SCP2: variants seen among roughly 807,000 people sequenced by gnomAD.
SCP2 encodes the protein SCP-2/3-oxoacyl-CoA thiolase.
In SCP2, 48 loss-of-function variants were observed where a neutral mutation model predicts 71.4. The ratio of observed to expected loss-of-function variants is 0.67; its 90% CI spans 0.53 to 0.86. The LOEUF (loss-of-function observed/expected upper bound fraction) is 0.86. Among genes scored for constraint, SCP2 ranks in the 40% least tolerant of loss-of-function variants. SCP2 has a pLI of 0.00. For missense variants in SCP2, 560 were observed against 655.6 expected, an observed-to-expected ratio of 0.85 and a Z score of 1.59; for synonymous variants, 220 against 218.1, an observed-to-expected ratio of 1.01 and a Z score of -0.08.
At chr1:53,006,452 A>G (rs1423253115) in intron 11 of SCP2, among the ~76,000 whole-genome samples, 3 of 152,230 alleles carry the variant, frequency 2.0e-5, no homozygotes, top group African/African-American at 7.2e-5. Flanking sequence ...TCTACAAGCC[A>G]GAAGAGAGTG....
In SCP2 at chr1:52,950,356, G is replaced by A. The variant is rs191574364; in HGVS notation, c.200-399G>A. On this transcript the variant is annotated intron_variant, in intron 3 of 15. Coordinates refer to ENST00000371514, the MANE Select transcript of SCP2 (RefSeq NM_002979.5). ...AGGATGGTTTCGACCTCCTGACCGCGTGATCTGCCCGCCTCGGCCTCCCAA... is the reference window on the plus strand; with the variant it reads ...AGGATGGTTTCGACCTCCTGACCGCATGATCTGCCCGCCTCGGCCTCCCAA... Among the ~76,000 whole-genome samples, 3 of 152,296 alleles carry A rather than the reference G, an allele frequency of 2.0e-5. No homozygotes were observed. In the East Asian group the frequency reaches 5.8e-4, roughly 29 times the overall value.
chr1:53,037,300 G>A (rs1161943442), intron 13 of SCP2, among the ~76,000 whole-genome samples: 2 of 151,976 alleles, frequency 1.3e-5, no homozygotes, highest in African/African-American at 4.8e-5. Context: ...AGGTGTGTGA[G>A]TTTGTTGTCC....
At chr1:53,028,186 T>C in intron 13 of SCP2, 115 bp downstream of exon 13, 1 of 671,124 alleles carries the variant, frequency 1.5e-6, no homozygotes, top group South Asian at 1.5e-5. Context: ...TGTTGTCAAG[T>C]ATTGAGTGTA....
chr1:53,027,085 C>A (rs1482500623), intron 12 of SCP2, among the ~76,000 whole-genome samples: 1 of 151,970 alleles, frequency 6.6e-6, no homozygotes, highest in Non-Finnish European at 1.5e-5. Flanking sequence ...ACTACAGACA[C>A]ATGCCACCAT....
At chr1:52,996,070 T>A in intron 11 of SCP2, 2 of 1,000,834 alleles carry the variant, frequency 2.0e-6, no homozygotes, top group Non-Finnish European at 2.7e-6. Context: ...CCCTTAGCCA[T>A]CTTACTCACC....
chr1:52,940,892 G>T (rs185670591), intron 1 of SCP2, among the ~76,000 whole-genome samples: 2 of 152,294 alleles, frequency 1.3e-5, no homozygotes, highest in African/African-American at 4.8e-5. Context: ...TGGGATCACA[G>T]GCGTATACCG....
intron 11 of SCP2, among the ~76,000 whole-genome samples, chr1:53,008,677 T>C (rs544490416): frequency 6.6e-6 from 1 of 152,310 alleles, no homozygotes; most frequent in East Asian, 1.9e-4. Context: ...AATATCATAC[T>C]GAATGGGCCA....
At chr1:53,017,995 C>T (rs760296470) in intron 12 of SCP2, among the ~76,000 whole-genome samples, 2 of 152,142 alleles carry the variant, frequency 1.3e-5, no homozygotes, top group African/African-American at 4.8e-5. Flanking sequence ...GCTGGGATTA[C>T]AGGTGCTCAC....
chr1:53,045,657 G>T (rs57399574), intron 14 of SCP2, among the ~76,000 whole-genome samples: 1 of 151,960 alleles, frequency 6.6e-6, no homozygotes, highest in African/African-American at 2.4e-5. Context: ...CCACATTTTT[G>T]ACAGTACTTG....
chr1:53,036,249 A>G (rs76464552), intron 13 of SCP2, among the ~76,000 whole-genome samples: 14,674 of 149,448 alleles, frequency 0.098, 1,421 homozygotes, highest in African/African-American at 0.22. Flanking sequence ...TTTAAGATAT[A>G]TATATAAAAG....
intron 11 of SCP2, chr1:52,995,306 A>C: frequency 2.1e-6 from 1 of 481,026 alleles, no homozygotes; most frequent in Middle Eastern, 3.5e-4. Context: ...AACACTGATG[A>C]GACCTACTGC....
intron 13 of SCP2, among the ~76,000 whole-genome samples, chr1:53,032,844 G>GTCTGC (rs1662652922): frequency 6.6e-6 from 1 of 152,084 alleles, no homozygotes; most frequent in African/African-American, 2.4e-5. Flanking sequence ...TAATACTAAT[G>GTCTGC]TCTGCCCAAC....
At chr1:53,042,741 G>A (rs1421042617) in intron 14 of SCP2, among the ~76,000 whole-genome samples, 1 of 152,134 alleles carries the variant, frequency 6.6e-6, no homozygotes, top group African/African-American at 2.4e-5. Flanking sequence ...AGTTCATTTG[G>A]CATGTACATA....
At chr1:53,003,809 G>C (rs1222810663) in intron 11 of SCP2, among the ~76,000 whole-genome samples, 1 of 152,154 alleles carries the variant, frequency 6.6e-6, no homozygotes, top group Admixed American at 6.6e-5. Flanking sequence ...TTACAGGCGT[G>C]AGTCACCACA....
rs1209243868 is a variant in SCP2 at position 53,034,592 on chromosome 1, G to A, written c.1339-4325G>A. On this transcript the variant is annotated intron_variant, in intron 13 of 15. Transcript: ENST00000371514. ...ACTGAATTGAATATTTTAAAAGAGT[G>A]AATTTTATAGGATATAAATTATATC... is the stretch of plus-strand genomic sequence containing the variant. Among the ~76,000 whole-genome samples, 3 of 151,958 alleles carry A rather than the reference G, an allele frequency of 2.0e-5. No individual in the cohort carries two copies. In the East Asian group the frequency reaches 5.8e-4, roughly 29 times the overall value.
intron 11 of SCP2, among the ~76,000 whole-genome samples, chr1:53,005,403 G>T: frequency 6.6e-6 from 1 of 152,176 alleles, no homozygotes; most frequent in East Asian, 1.9e-4. Context: ...ATACAGCCGG[G>T]TGTCCCTCTG....
chr1:53,039,627 A>T (rs1324962161), intron 14 of SCP2, among the ~76,000 whole-genome samples: 3 of 152,144 alleles, frequency 2.0e-5, no homozygotes, highest in Admixed American at 6.5e-5. Context: ...AGCCCTCATG[A>T]TATTACACTT....
intron 4 of SCP2, among the ~76,000 whole-genome samples, chr1:52,954,048 A>C (rs1439630211): frequency 1.3e-5 from 2 of 150,678 alleles, no homozygotes; most frequent in Admixed American, 1.3e-4. Context: ...ATAGTGGCTC[A>C]TGCCTGTAAT....
chr1:53,014,927 A>C lies in SCP2; in HGVS notation c.1119A>C (p.Arg373Ser). The C allele has an allele frequency of 6.2e-7, 1 of 1,613,706 alleles. No homozygotes were observed. Among genetic ancestry groups the C allele is most frequent in the Non-Finnish European group, 8.5e-7 (1 of 1,179,938 alleles). Residue 373 changes from arginine to serine, a missense_variant, in exon 12 of 16, where the codon AGA becomes AGC. Physicochemically the swap from Arg to Ser is moderately radical, Grantham distance 110. Transcript: ENST00000371514. ...GTGCAGAACTCTGCTGGCAGCTGAG[A>C]GGGGAAGCCGGAAAGAGGCAAGTTC... The part of the protein sequence containing the change: ...AQCAELCWQL[R>S]GEAGKRQVPG...
Sources: gnomAD v4.1 joint callset for allele counts (sites outside exome capture counted in the v4.1 genomes callset) on GRCh38, gnomAD v4.1.1 for gene constraint, MANE v1.5 for transcripts, NCBI Gene and HGNC (gene_info 2026-07-23, HGNC 2026-07-21) for gene names.